DNAH10: variants seen among roughly 807,000 people sequenced by gnomAD.
DNAH10 encodes axonemal beta dynein heavy chain 10.
In DNAH10, 348 loss-of-function variants were observed where a neutral mutation model predicts 506.6. The ratio of observed to expected loss-of-function variants is 0.69; its 90% CI spans 0.63 to 0.75. The LOEUF is 0.75. Among genes scored for constraint, DNAH10 ranks in the 30% least tolerant of loss-of-function variants. The probability of loss-of-function intolerance (pLI) is 0.00; values close to 1 mark genes in which losing one functional copy is unlikely to be tolerated. For missense variants in DNAH10, 5,179 were observed against 5,787.1 expected, an observed-to-expected ratio of 0.89 and a Z score of 3.41; for synonymous variants, 2,059 against 2,198.6, an observed-to-expected ratio of 0.94 and a Z score of 1.78.
intron 11 of DNAH10, 122 bp from the exon 12 acceptor site, chr12:123,793,820 C>T: frequency 1.4e-6 from 1 of 731,516 alleles, no homozygotes; most frequent in South Asian, 2.7e-5. Context: ...ATACCAGTTT[C>T]CATTACTTAT....
chr12:123,916,754 C>G lies in DNAH10; in HGVS notation c.11002+18C>G. ...TTACACTGGTAAGAATGTGTAGAAC[C>G]TCCACTGCTAATTCAGATGGTTATG... On this transcript the variant is annotated intron_variant, in intron 63 of 78. Coordinates refer to ENST00000673944, the MANE Select transcript of DNAH10 (RefSeq NM_001372106.1). The surrounding 1 kb of genome is among the most constrained non-coding windows in gnomAD (Gnocchi z 4.6). 1 of 1,589,952 alleles carries G rather than the reference C, an allele frequency of 6.3e-7. No homozygotes were observed. Among genetic ancestry groups the G allele is most frequent in the African/African-American group, 1.3e-5 (1 of 74,104 alleles).
chr12:123,835,014 T>C (rs1278008320), intron 27 of DNAH10, among the ~76,000 whole-genome samples: 1 of 152,226 alleles, frequency 6.6e-6, no homozygotes, highest in Non-Finnish European at 1.5e-5. Flanking sequence ...GTCCCTGTTT[T>C]CAATTCTTTT....
chr12:123,787,149 G>C lies in DNAH10; in HGVS notation c.1422-655G>C, dbSNP rs1359505688. Among the ~76,000 whole-genome samples, 1 of 152,162 alleles carries C rather than the reference G, an allele frequency of 6.6e-6. No homozygotes were observed. Among genetic ancestry groups the C allele is most frequent in the African/African-American group, 2.4e-5 (1 of 41,434 alleles). On this transcript the variant is annotated intron_variant, in intron 9 of 78. Transcript: ENST00000673944. This position sits in a 1 kb window ranked among gnomAD's most constrained non-coding sequence, Gnocchi z 4.6. ...ATCTAGCGATCTATCTAGATAGACA[G>C]ATCTATCTGGATATCTATGTAGATC... is the stretch of plus-strand genomic sequence containing the variant.
intron 76 of DNAH10, 87 bp from the exon 77 acceptor site, chr12:123,933,244 T>C: frequency 7.9e-7 from 1 of 1,259,542 alleles, no homozygotes; most frequent in East Asian, 3.0e-5. Flanking sequence ...ATATGTCTTT[T>C]ATCATAAACT....
Position 123,804,883 on chromosome 12 carries a change from G to GAC in DNAH10, c.2831_2832dup (p.His945ThrfsTer14). On this transcript the variant is annotated frameshift_variant, in exon 18 of 79. Coordinates refer to ENST00000673944, the MANE Select transcript of DNAH10 (RefSeq NM_001372106.1). LOFTEE classifies it high-confidence loss of function. Reference sequence around the variant, plus strand: ...TGAGCGAGAAAGGGCCAGCGACGTGGACCACATGGTCCGGTGGTATCTTGC... The same window carrying GAC: ...TGAGCGAGAAAGGGCCAGCGACGTGGACACCACATGGTCCGGTGGTATCTTGC... The GAC allele has an allele frequency of 6.2e-7, 1 of 1,613,486 alleles. No individual in the cohort carries two copies. Among genetic ancestry groups the GAC allele is most frequent in the Non-Finnish European group, 8.5e-7 (1 of 1,180,020 alleles).
chr12:123,832,752 A>G (rs1247711269), intron 26 of DNAH10, among the ~76,000 whole-genome samples: 1 of 152,198 alleles, frequency 6.6e-6, no homozygotes, highest in Admixed American at 6.5e-5. Context: ...ATAACTGTGC[A>G]GACTTCGGGG....
intron 44 of DNAH10, among the ~76,000 whole-genome samples, chr12:123,871,099 G>A (rs1594247278): frequency 6.6e-6 from 1 of 152,208 alleles, no homozygotes; most frequent in African/African-American, 2.4e-5. Flanking sequence ...ACCCGATGCT[G>A]TGGCTTCACT....
At position 123,790,181 on chromosome 12, in the gene DNAH10, A is replaced by T. The variant is rs553505710; in HGVS notation, c.1815+60A>T. 1,066 of 1,538,376 alleles carry T rather than the reference A, an allele frequency of 6.9e-4. 3 individuals carry two copies. The highest frequency in any genetic ancestry group is 8.6e-4 in the Non-Finnish European group (969 of 1,126,830). Reference sequence around the variant, plus strand: ...TCGACACCATGTTTTCTCTGTGTTAAATTTGTTGGGTTATTTAGTGATGCT... The same window carrying T: ...TCGACACCATGTTTTCTCTGTGTTATATTTGTTGGGTTATTTAGTGATGCT... On this transcript the variant is annotated intron_variant, in intron 11 of 78. Transcript: ENST00000673944.
chr12:123,801,177 G>A (rs1254418270), intron 15 of DNAH10, 104 bp from the exon 16 acceptor site: 4 of 1,212,812 alleles, frequency 3.3e-6, no homozygotes, highest in African/African-American at 1.5e-5. Context: ...GATCAAGGTT[G>A]GTCTTGATTG....
chr12:123,868,580 C>T (rs1261543026), intron 43 of DNAH10, among the ~76,000 whole-genome samples: 1 of 152,216 alleles, frequency 6.6e-6, no homozygotes, highest in Non-Finnish European at 1.5e-5. Flanking sequence ...GGAAATCATA[C>T]AATTAACATT....
At chr12:123,801,495 G>T in intron 16 of DNAH10, 63 bp downstream of exon 16, 1 of 1,554,266 alleles carries the variant, frequency 6.4e-7, no homozygotes, top group Non-Finnish European at 8.7e-7. Flanking sequence ...CTTTTAGGTT[G>T]TTTTATTTGA....
chr12:123,775,413 C>T (rs1250363733), intron 5 of DNAH10, among the ~76,000 whole-genome samples: 1 of 152,054 alleles, frequency 6.6e-6, no homozygotes, highest in African/African-American at 2.4e-5. Flanking sequence ...TTGGCCTGAG[C>T]TTTATAGACC....
At chr12:123,857,364 C>G (rs1951436564) in intron 37 of DNAH10, 117 bp downstream of exon 37, 1 of 837,742 alleles carries the variant, frequency 1.2e-6, no homozygotes, top group African/African-American at 1.8e-5. Flanking sequence ...ACCATCTTAA[C>G]CATTTTTCCC....
At chr12:123,897,514 A>G (rs929435365) in intron 54 of DNAH10, among the ~76,000 whole-genome samples, 1 of 152,166 alleles carries the variant, frequency 6.6e-6, no homozygotes, top group African/African-American at 2.4e-5. Context: ...GCCTTAGCTC[A>G]GGAGTTAAGA....
rs766677483 is a variant in DNAH10, at chr12:123,931,457, C to A, written c.12901C>A (p.Leu4301Met). Reference sequence around the variant, plus strand: ...AGACATGTGGGCTCACCTGCTGGAGCTGCAGCCTCAGACAGGTAAACTCTA... The same window carrying A: ...AGACATGTGGGCTCACCTGCTGGAGATGCAGCCTCAGACAGGTAAACTCTA... ...ARDMWAHLLE[L>M]QPQTGESSSG... Residue 4301 changes from leucine to methionine, a missense_variant, in exon 74 of 79, where the codon CTG becomes ATG. Physicochemically the swap from Leu to Met is conservative, Grantham distance 15. Transcript: ENST00000673944. 8 of 1,613,722 alleles carry A rather than the reference C, an allele frequency of 5.0e-6. No homozygotes were observed. The African/African-American group carries it at 9.3e-5, about 19-fold the overall frequency.
At position 123,790,158 on chromosome 12, in the gene DNAH10, G is replaced by A. The variant is rs753687675; in HGVS notation, c.1815+37G>A. 7 of 1,585,346 alleles carry A rather than the reference G, an allele frequency of 4.4e-6. No homozygotes were observed. In the South Asian group the frequency reaches 4.6e-5, roughly 10 times the overall value. On this transcript the variant is annotated intron_variant, in intron 11 of 78. Coordinates refer to ENST00000673944, the MANE Select transcript of DNAH10 (RefSeq NM_001372106.1). ...GTCCATTGAGTCCATCTTGGGAGTC[G>A]ACACCATGTTTTCTCTGTGTTAAAT...
chr12:123,771,533 G>C (rs971779896), intron 2 of DNAH10, 68 bp from the exon 3 acceptor site: 1 of 1,307,580 alleles, frequency 7.6e-7, no homozygotes, highest in Middle Eastern at 1.8e-4. Flanking sequence ...CAAAATGCAG[G>C]GCTGCTCTTG....
chr12:123,840,137 C>T (rs1950715947), intron 29 of DNAH10, among the ~76,000 whole-genome samples: 1 of 151,710 alleles, frequency 6.6e-6, no homozygotes, highest in South Asian at 2.1e-4. Flanking sequence ...CCAGTAGCAC[C>T]CCCTCCCTAG....
chr12:123,864,143 CTTTTT>C (rs770676668), intron 39 of DNAH10, among the ~76,000 whole-genome samples: 1 of 117,134 alleles, frequency 8.5e-6, no homozygotes, highest in Admixed American at 9.7e-5. Flanking sequence ...ACTTTTTTTT[CTTTTT>C]TTTTTTTTTT....
Sources: allele counts gnomAD v4.1 joint callset (sites outside exome capture counted in the v4.1 genomes callset), GRCh38; gene constraint gnomAD v4.1.1; non-coding constraint Gnocchi (gnomAD v3.1); transcripts MANE v1.5; gene names NCBI Gene and HGNC (gene_info 2026-07-23, HGNC 2026-07-21).